CPLANE1: variants seen among roughly 807,000 people sequenced by gnomAD.
The protein encoded by CPLANE1 is ciliogenesis and planar polarity effector 1.
CPLANE1 carries 263 observed loss-of-function variants against 362.5 expected under a neutral mutation model. The ratio of observed to expected loss-of-function variants is 0.73; its 90% CI spans 0.66 to 0.80. The LOEUF is 0.80. Among genes scored for constraint, CPLANE1 ranks in the 30% least tolerant of loss-of-function variants. CPLANE1 has a pLI of 0.00. For missense variants in CPLANE1, 3,461 were observed against 3,793.4 expected (o/e 0.91, Z 2.30); for synonymous variants, 1,212 against 1,302.6 (o/e 0.93, Z 1.50).
chr5:37,214,960 A>G (rs1793630082), intron 15 of CPLANE1, among the ~76,000 whole-genome samples: 1 of 152,256 alleles, frequency 6.6e-6, no homozygotes, highest in African/African-American at 2.4e-5. Flanking sequence ...GTTGTCTACC[A>G]TTTCAGACAA....
At chr5:37,204,809 A>G (rs1005202724) in intron 18 of CPLANE1, among the ~76,000 whole-genome samples, 1 of 151,546 alleles carries the variant, frequency 6.6e-6, no homozygotes, top group Non-Finnish European at 1.5e-5. Context: ...CAACCCTTGT[A>G]TTGTAAGCTG....
At chr5:37,092,753 A>G in the CPLANE1 span, among the ~76,000 whole-genome samples, 1 of 152,210 alleles carries the variant, frequency 6.6e-6, no homozygotes, top group Non-Finnish European at 1.5e-5. Context: ...GACACCTGGC[A>G]TGGAACATAT....
At chr5:37,169,679 T>A (rs1779212091) in intron 33 of CPLANE1, 118 bp from the exon 34 acceptor site, 9 of 770,010 alleles carry the variant, frequency 1.2e-5, no homozygotes, top group Middle Eastern at 3.6e-4. Context: ...AAAAAAAAAA[T>A]TATTTATTCA....
Position 37,153,948 on chromosome 5 carries a change from G to A in CPLANE1, c.8165C>T (p.Ser2722Leu). 6.2e-7 allele frequency: 1 copy of A among 1,613,958 alleles called. No homozygotes were observed. ...CAATAGATAATCTTCTGCAGAGTCT[G>A]ACTTTGTGCTCTGTCCTTTGAATCG... ...EFRFKGQSTK[S>L]DSAEDYLLWK... Residue 2722 changes from serine to leucine, a missense_variant, in exon 42 of 53, where the codon TCA (serine) becomes TTA (leucine). Ser to Leu is a moderately radical substitution (Grantham distance 145). This residue lies in a region of CPLANE1 where 3,380 missense variants were observed against 3,666.1 expected (regional missense o/e 0.92). Coordinates refer to ENST00000651892, the MANE Select transcript of CPLANE1 (RefSeq NM_001384732.1).
chr5:37,129,267 A>T (rs1233918105), intron 46 of CPLANE1, among the ~76,000 whole-genome samples: 1 of 152,234 alleles, frequency 6.6e-6, no homozygotes, highest in African/African-American at 2.4e-5. Context: ...AGATGTATCA[A>T]GGATTTAAAT....
the CPLANE1 span, among the ~76,000 whole-genome samples, chr5:37,092,107 A>G: frequency 7.2e-5 from 11 of 152,176 alleles, no homozygotes; most frequent in East Asian, 2.1e-3. Context: ...ACTGGCTCTT[A>G]TCTTAGACCC....
chr5:37,085,198 T>A, the CPLANE1 span: 12 of 841,472 alleles, frequency 1.4e-5, no homozygotes, highest in Admixed American at 3.5e-5. Flanking sequence ...ATCATTTTCC[T>A]AAGGAACAGA....
At chr5:37,233,131 A>C (rs1798126057) in intron 8 of CPLANE1, among the ~76,000 whole-genome samples, 3 of 152,166 alleles carry the variant, frequency 2.0e-5, no homozygotes, top group African/African-American at 7.2e-5. Flanking sequence ...GCTCAGAGAC[A>C]TTGCTCCAGA....
intron 49 of CPLANE1, 55 bp downstream of exon 49, chr5:37,121,562 C>A: frequency 1.3e-6 from 2 of 1,535,732 alleles, no homozygotes; most frequent in Non-Finnish European, 1.8e-6. Flanking sequence ...TGCTACATTT[C>A]TTCTTATCAG....
At chr5:37,194,047 G>A (rs1786477209) in intron 21 of CPLANE1, among the ~76,000 whole-genome samples, 2 of 151,202 alleles carry the variant, frequency 1.3e-5, no homozygotes, top group African/African-American at 4.9e-5. Flanking sequence ...TCAGCCTCTC[G>A]AGTAGCTGGG....
intron 47 of CPLANE1, among the ~76,000 whole-genome samples, chr5:37,123,930 T>TACACATACAC (rs71604853): frequency 6.9e-6 from 1 of 144,436 alleles, no homozygotes; most frequent in African/African-American, 2.6e-5. Context: ...TAGGGGAACA[T>TACACATACAC]ACACACACAC....
chr5:37,149,433 C>A (rs1347106671), intron 42 of CPLANE1, among the ~76,000 whole-genome samples: 2 of 152,140 alleles, frequency 1.3e-5, no homozygotes, highest in African/African-American at 4.8e-5. Flanking sequence ...TCAGGAATGA[C>A]AAGAACAAAT....
intron 21 of CPLANE1, among the ~76,000 whole-genome samples, chr5:37,191,377 TA>T (rs1273198403): frequency 6.6e-6 from 1 of 151,492 alleles, no homozygotes; most frequent in Non-Finnish European, 1.5e-5. Context: ...ATTTTACAAA[TA>T]AAAAAAATTA....
chr5:37,157,243 A>C (rs1775387168), intron 41 of CPLANE1, 70 bp downstream of exon 41: 1 of 962,416 alleles, frequency 1.0e-6, no homozygotes, highest in Non-Finnish European at 1.5e-6. Context: ...GCAATTACCA[A>C]ATTTTGGTGC....
At chr5:37,247,231 T>C (rs1739999306) in intron 2 of CPLANE1, among the ~76,000 whole-genome samples, 2 of 152,294 alleles carry the variant, frequency 1.3e-5, no homozygotes, top group South Asian at 2.1e-4. Flanking sequence ...GAACACTTCA[T>C]AGCACAATCA....
chr5:37,230,745 T>C, intron 9 of CPLANE1, 122 bp downstream of exon 9: 1 of 577,320 alleles, frequency 1.7e-6, no homozygotes. Context: ...GATATTGAGA[T>C]GACAGACTCA....
rs531773267 is a variant in CPLANE1 at position 37,171,323 on chromosome 5, G to A, written c.6172-992C>T. On this transcript the variant is annotated intron_variant, in intron 32 of 52. Transcript: ENST00000651892. Reference sequence around the variant, plus strand: ...GCTAGTACAGAAGTTCACAAACTTCGGCATGCATCAGAATTACCTGGAGGA... The same window carrying A: ...GCTAGTACAGAAGTTCACAAACTTCAGCATGCATCAGAATTACCTGGAGGA... Among the ~76,000 whole-genome samples, 11 of 152,258 alleles carry A rather than the reference G, an allele frequency of 7.2e-5. No homozygotes were observed. In the South Asian group the frequency reaches 1.0e-3, roughly 14 times the overall value.
intron 15 of CPLANE1, among the ~76,000 whole-genome samples, chr5:37,220,305 C>G (rs187515536): frequency 6.6e-6 from 1 of 151,522 alleles, no homozygotes; most frequent in Admixed American, 6.6e-5. Flanking sequence ...CTGAAACAAT[C>G]AAGAATGAAA....
intron 30 of CPLANE1, among the ~76,000 whole-genome samples, chr5:37,176,800 C>T (rs574382886): frequency 1.3e-5 from 2 of 150,892 alleles, no homozygotes; most frequent in Non-Finnish European, 2.9e-5. Context: ...GCTCTGTTGC[C>T]CAGGCTGGAG....
Sources: gnomAD v4.1 joint callset for allele counts (sites outside exome capture counted in the v4.1 genomes callset) on GRCh38, gnomAD v4.1.1 for gene constraint, gnomAD v4.1.1 regional missense constraint, MANE v1.5 for transcripts, NCBI Gene and HGNC (gene_info 2026-07-23, HGNC 2026-07-21) for gene names.